DTD1: variants seen among roughly 807,000 people sequenced by gnomAD.
The protein encoded by DTD1 is D-aminoacyl-tRNA deacylase 1, also known as D-tyrosyl-tRNA deacylase 1 homolog.
A neutral mutation model predicts 25.6 loss-of-function variants in DTD1; 13 were observed. The ratio of observed to expected loss-of-function variants is 0.51; its 90% CI spans 0.33 to 0.81. The LOEUF is 0.81. Among genes scored for constraint, DTD1 ranks in the 30% least tolerant of loss-of-function variants. The probability of loss-of-function intolerance (pLI) is 0.02; values close to 1 mark genes in which losing one functional copy is unlikely to be tolerated. For missense variants in DTD1, 193 were observed against 266.4 expected (o/e 0.72, Z 1.92); for synonymous variants, 110 against 103.6 (o/e 1.06, Z -0.37).
At chr20:18,666,981 C>T (rs538694963) in intron 4 of DTD1, among the ~76,000 whole-genome samples, 2 of 152,094 alleles carry the variant, frequency 1.3e-5, no homozygotes, top group East Asian at 3.9e-4. Flanking sequence ...GGAAGCAGCC[C>T]CAGGTGACTA....
At chr20:18,713,470 G>A (rs1341626441) in intron 4 of DTD1, among the ~76,000 whole-genome samples, 1 of 152,194 alleles carries the variant, frequency 6.6e-6, no homozygotes, top group Non-Finnish European at 1.5e-5. Flanking sequence ...GAAGGGACCT[G>A]ACAGGATGGT....
intron 4 of DTD1, among the ~76,000 whole-genome samples, chr20:18,720,748 C>T (rs1349809388): frequency 1.3e-5 from 2 of 152,140 alleles, no homozygotes; most frequent in Non-Finnish European, 2.9e-5. Flanking sequence ...GTCCCAGCTA[C>T]TCAAGAGGCT....
intron 4 of DTD1, among the ~76,000 whole-genome samples, chr20:18,679,215 A>C (rs569527597): frequency 6.6e-6 from 1 of 152,182 alleles, no homozygotes; most frequent in African/African-American, 2.4e-5. Flanking sequence ...TGGCCTGACA[A>C]CCGTTGCTAT....
chr20:18,630,972 T>C (rs1333641246), intron 4 of DTD1: 1 of 731,832 alleles, frequency 1.4e-6, no homozygotes, highest in Admixed American at 6.3e-5. Context: ...ATTTGTCTTG[T>C]TACCTGTGAT....
intron 4 of DTD1, among the ~76,000 whole-genome samples, chr20:18,672,690 C>T (rs1317858975): frequency 6.6e-6 from 1 of 152,090 alleles, no homozygotes; most frequent in African/African-American, 2.4e-5. Flanking sequence ...ATCTTCTCTC[C>T]CCTTTTCAGA....
chr20:18,715,376 C>T (rs2061175869), intron 4 of DTD1, among the ~76,000 whole-genome samples: 2 of 152,184 alleles, frequency 1.3e-5, no homozygotes, highest in Non-Finnish European at 2.9e-5. Context: ...TTCTGCATAT[C>T]TGCTTCATCT....
intron 4 of DTD1, chr20:18,632,471 C>T: frequency 5.1e-6 from 5 of 985,454 alleles, no homozygotes; most frequent in South Asian, 4.7e-5. Flanking sequence ...GCCTTTTCTT[C>T]TGAATTAGAA....
chr20:18,610,903 C>T (rs2060684172), intron 3 of DTD1: 1 of 151,614 alleles, frequency 6.6e-6, no homozygotes, highest in Admixed American at 6.6e-5. Flanking sequence ...CAGAGCGAGA[C>T]CCTGTCTCAA....
intron 3 of DTD1, among the ~76,000 whole-genome samples, chr20:18,608,588 T>C (rs1178798323): frequency 6.6e-6 from 1 of 152,258 alleles, no homozygotes; most frequent in African/African-American, 2.4e-5. Flanking sequence ...TTTAGTGCTA[T>C]AAGTTTCTCT....
At chr20:18,670,158 C>T (rs2060946650) in intron 4 of DTD1, among the ~76,000 whole-genome samples, 1 of 152,158 alleles carries the variant, frequency 6.6e-6, no homozygotes, top group South Asian at 2.1e-4. Context: ...TCATTGTCTT[C>T]AAATGTAAGT....
At chr20:18,687,531 CATAA>C (rs770183747) in intron 4 of DTD1, among the ~76,000 whole-genome samples, 3 of 152,102 alleles carry the variant, frequency 2.0e-5, no homozygotes, top group Non-Finnish European at 2.9e-5. Flanking sequence ...GTTTGTAAAA[CATAA>C]ATAAAGGGTT....
chr20:18,706,889 T>C (rs2061128687), intron 4 of DTD1, among the ~76,000 whole-genome samples: 1 of 152,238 alleles, frequency 6.6e-6, no homozygotes, highest in African/African-American at 2.4e-5. Context: ...TGCATTTCCA[T>C]ATTTTAATTG....
chr20:18,685,780 T>C (rs975382406), intron 4 of DTD1, among the ~76,000 whole-genome samples: 2 of 152,212 alleles, frequency 1.3e-5, no homozygotes, highest in African/African-American at 4.8e-5. Flanking sequence ...TGTACCTTCT[T>C]TGATGCAGCC....
chr20:18,721,409 A>G (rs1036114859), intron 4 of DTD1, among the ~76,000 whole-genome samples: 1 of 152,212 alleles, frequency 6.6e-6, no homozygotes, highest in Non-Finnish European at 1.5e-5. Context: ...GGCAAAAGTC[A>G]GATTTGGTCA....
intron 4 of DTD1, among the ~76,000 whole-genome samples, chr20:18,684,090 T>C (rs1326984152): frequency 6.6e-6 from 1 of 152,092 alleles, no homozygotes; most frequent in Admixed American, 6.5e-5. Flanking sequence ...CAAGGGTTGC[T>C]CTTCTCTCCT....
At chr20:18,712,112 T>C (rs2061161577) in intron 4 of DTD1, among the ~76,000 whole-genome samples, 1 of 152,076 alleles carries the variant, frequency 6.6e-6, no homozygotes, top group Non-Finnish European at 1.5e-5. Flanking sequence ...AAATATTTCT[T>C]CATCAACTCC....
At chr20:18,627,731 T>C (rs567092490) in intron 3 of DTD1, among the ~76,000 whole-genome samples, 3 of 152,324 alleles carry the variant, frequency 2.0e-5, no homozygotes, top group African/African-American at 7.2e-5. Context: ...TCATCTTGAA[T>C]TGTAACTCTC....
intron 3 of DTD1, 34 bp from the exon 4 acceptor site, chr20:18,628,093 C>T: frequency 6.3e-7 from 1 of 1,583,320 alleles, no homozygotes; most frequent in South Asian, 1.1e-5. Flanking sequence ...TCTGGTGTCT[C>T]CATCTTTGGT....
At chr20:18,746,572 A>G (rs536581672) in intron 5 of DTD1, among the ~76,000 whole-genome samples, 1 of 152,170 alleles carries the variant, frequency 6.6e-6, no homozygotes, top group East Asian at 1.9e-4. Flanking sequence ...GTGCTTGCCT[A>G]TCATCCTAGC....
Sources: gnomAD v4.1 joint callset for allele counts (sites outside exome capture counted in the v4.1 genomes callset) on GRCh38, gnomAD v4.1.1 for gene constraint, MANE v1.5 for transcripts, NCBI Gene and HGNC (gene_info 2026-07-23, HGNC 2026-07-21) for gene names.